UNC13C: variants seen among roughly 807,000 people sequenced by gnomAD.
The protein encoded by UNC13C is protein unc-13 homolog C.
Under a neutral mutation model 245.4 loss-of-function variants are expected in UNC13C, and 174 were observed. The observed-to-expected ratio is 0.71, with a 90% CI of 0.63 to 0.80. The LOEUF (loss-of-function observed/expected upper bound fraction) is 0.80. UNC13C is among the 30% of genes least tolerant of loss of function. UNC13C has a pLI of 0.00. For missense variants in UNC13C, 2,829 were observed against 2,602.9 expected, an observed-to-expected ratio of 1.09 and a Z score of -1.89; for synonymous variants, 992 against 895.1, an observed-to-expected ratio of 1.11 and a Z score of -1.93.
the UNC13C span, among the ~76,000 whole-genome samples, chr15:53,953,261 C>A: frequency 6.6e-6 from 1 of 152,176 alleles, no homozygotes. Context: ...AGTAGGCACT[C>A]TTGAATCCTG....
At chr15:54,480,445 G>T in intron 19 of UNC13C, among the ~76,000 whole-genome samples, 1 of 143,776 alleles carries the variant, frequency 7.0e-6, no homozygotes, top group Non-Finnish European at 1.5e-5. Flanking sequence ...TTGTCTGGCT[G>T]GGTTATCTCA....
intron 20 of UNC13C, among the ~76,000 whole-genome samples, chr15:54,498,783 A>G (rs1002009270): frequency 4.6e-5 from 7 of 152,308 alleles, no homozygotes; most frequent in African/African-American, 1.7e-4. Flanking sequence ...ACATTCCTAA[A>G]AAGATGCATT....
In UNC13C at chr15:54,627,224, G is replaced by C; in HGVS notation, c.*111G>C. ...CATTTCAATGTTTGCCAGTACTCAT[G>C]TACGATGTCTACAAGGTATGTAAAA... On this transcript the variant is annotated 3_prime_UTR_variant, in exon 33 of 33. Coordinates refer to ENST00000260323, the MANE Select transcript of UNC13C (RefSeq NM_001080534.3). The C allele has an allele frequency of 2.7e-6, 3 of 1,124,070 alleles. No homozygotes were observed. The South Asian group carries it at 5.0e-5, about 19-fold the overall frequency. The allele number at this position is 1,124,070 out of a possible 1,614,324, so 69.6% of individuals were successfully genotyped here. A position where few individuals can be genotyped will look rare whatever the true frequency, so the allele number is the denominator to read the frequency against.
At chr15:54,352,724 T>C (rs1420660926) in intron 17 of UNC13C, among the ~76,000 whole-genome samples, 1 of 152,100 alleles carries the variant, frequency 6.6e-6, no homozygotes, top group South Asian at 2.1e-4. Context: ...TAATCCAATT[T>C]CCCCTTGCTC....
At chr15:54,371,510 G>T (rs115143870) in intron 17 of UNC13C, among the ~76,000 whole-genome samples, 59 of 152,056 alleles carry the variant, frequency 3.9e-4, no homozygotes, top group Admixed American at 1.3e-4. Context: ...ATGGCCTGAG[G>T]CTTAGCAGCA....
the UNC13C span, among the ~76,000 whole-genome samples, chr15:53,852,193 C>A: frequency 3.9e-5 from 6 of 152,158 alleles, no homozygotes; most frequent in Admixed American, 6.5e-5. Flanking sequence ...TTAGAGGAAA[C>A]CCAGTTGGGG....
intron 7 of UNC13C, among the ~76,000 whole-genome samples, chr15:54,238,847 G>A (rs889550164): frequency 1.3e-5 from 2 of 152,036 alleles, no homozygotes; most frequent in Non-Finnish European, 2.9e-5. Flanking sequence ...TTTAGGTCAG[G>A]GATTCTTAAA....
chr15:54,049,491 T>C (rs1897182657), intron 2 of UNC13C: 1 of 341,354 alleles, frequency 2.9e-6, no homozygotes, highest in Admixed American at 4.3e-5. Flanking sequence ...AGTTCAAAGA[T>C]ACTTTAGTGG....
At chr15:53,886,723 A>C in the UNC13C span, among the ~76,000 whole-genome samples, 5 of 152,264 alleles carry the variant, frequency 3.3e-5, no homozygotes, top group Non-Finnish European at 5.9e-5. Flanking sequence ...GAAAACTGAT[A>C]AACATTATTT....
At chr15:54,309,756 A>G (rs535484294) in intron 13 of UNC13C, among the ~76,000 whole-genome samples, 66 of 151,992 alleles carry the variant, frequency 4.3e-4, no homozygotes, top group Non-Finnish European at 7.2e-4. Context: ...TCATTATTAA[A>G]GAGATTATCC....
chr15:53,937,125 G>A, the UNC13C span, among the ~76,000 whole-genome samples: 11 of 152,176 alleles, frequency 7.2e-5, no homozygotes, highest in South Asian at 8.3e-4. Context: ...GCAAAGAAGC[G>A]AAAAATCATG....
intron 30 of UNC13C, among the ~76,000 whole-genome samples, chr15:54,600,270 A>C (rs1159648138): frequency 6.6e-6 from 1 of 152,116 alleles, no homozygotes; most frequent in Non-Finnish European, 1.5e-5. Flanking sequence ...TAAATTCCTC[A>C]AGAGTAGTGT....
At chr15:54,304,180 G>A (rs892215644) in intron 13 of UNC13C, among the ~76,000 whole-genome samples, 5 of 152,180 alleles carry the variant, frequency 3.3e-5, no homozygotes, top group African/African-American at 1.2e-4. Context: ...GGAAATGGCT[G>A]TGTGCTGATA....
chr15:53,852,501 A>T, the UNC13C span, among the ~76,000 whole-genome samples: 1 of 152,134 alleles, frequency 6.6e-6, no homozygotes, highest in Admixed American at 6.5e-5. Flanking sequence ...ACAGACTTAA[A>T]GTCACCCCAA....
intron 2 of UNC13C, among the ~76,000 whole-genome samples, chr15:54,079,286 G>A (rs1898808256): frequency 6.6e-6 from 1 of 151,874 alleles, no homozygotes; most frequent in Non-Finnish European, 1.5e-5. Flanking sequence ...GATTACTTTG[G>A]CTATTCTGGC....
chr15:54,020,734 T>C (rs2141003283), intron 2 of UNC13C, among the ~76,000 whole-genome samples: 1 of 152,282 alleles, frequency 6.6e-6, no homozygotes, highest in Non-Finnish European at 1.5e-5. Context: ...AATTTAAAAT[T>C]TTAGAAATCA....
the UNC13C span, among the ~76,000 whole-genome samples, chr15:53,953,323 G>A: frequency 1.3e-5 from 2 of 152,210 alleles, no homozygotes; most frequent in Non-Finnish European, 2.9e-5. Context: ...TAAGCAGGCA[G>A]CTAGGCTGTG....
At chr15:54,628,637 C>T (rs1358853674), downstream of UNC13C, 1 of 152,504 alleles carries the variant, frequency 6.6e-6, no homozygotes, top group Non-Finnish European at 1.5e-5. Flanking sequence ...CTTTTTATTT[C>T]ATTTATGCAA....
At chr15:54,393,301 A>G in intron 18 of UNC13C, 120 bp downstream of exon 18, 2 of 915,398 alleles carry the variant, frequency 2.2e-6, no homozygotes, top group Non-Finnish European at 2.9e-6. Context: ...AGCTATAGAA[A>G]ATAGTATTTT....
Sources: gnomAD v4.1 joint callset for allele counts (sites outside exome capture counted in the v4.1 genomes callset) on GRCh38, gnomAD v4.1.1 for gene constraint, MANE v1.5 for transcripts, NCBI Gene and HGNC (gene_info 2026-07-23, HGNC 2026-07-21) for gene names.